Variants in LRIT1 observed in about 807,000 individuals in gnomAD.
LRIT1 encodes leucine rich repeat, Ig-like and transmembrane domains 1.
In LRIT1, 23 loss-of-function variants were observed where a neutral mutation model predicts 24.0. The observed-to-expected ratio is 0.96, with a 90% CI of 0.69 to 1.36. The LOEUF is 1.36. LRIT1 is among the 40% of genes most tolerant of loss of function. LRIT1 has a pLI of 0.00. For synonymous variants in LRIT1, 361 were observed against 340.5 expected (o/e 1.06, Z -0.66); for missense variants, 846 against 806.3 (o/e 1.05, Z -0.60).
At chr10:84,235,541 TTTTA>T (rs1302808095) in intron 2 of LRIT1, among the ~76,000 whole-genome samples, 4 of 152,344 alleles carry the variant, frequency 2.6e-5, no homozygotes. Context: ...ATTTTGGCCA[TTTTA>T]ATTGTTAGTT....
In LRIT1 at chr10:84,232,727, G is replaced by A. The variant is rs1842613598; in HGVS notation, c.1072C>T (p.Pro358Ser). 1 of 1,614,008 alleles carries A rather than the reference G, an allele frequency of 6.2e-7. No homozygotes were observed. Among genetic ancestry groups the A allele is most frequent in the Non-Finnish European group, 8.5e-7 (1 of 1,179,964 alleles). ...CCTGTCCTTGCCCATAGTGCTCCTG[G>A]GCTCCCACTGTGTTCTGTGGAAGTC... Reference protein sequence around the residue: ...PPTSTEHSGSPGALWARTGGG... With the variant: ...PPTSTEHSGSSGALWARTGGG... Residue 358 changes from proline (P) to serine (S), a missense_variant, in exon 4 of 4, where the codon CCA becomes TCA. Pro to Ser is a moderately conservative substitution (Grantham distance 74, BLOSUM62 -1). Transcript: ENST00000372105.
chr10:84,233,444 G>C (rs934017983), intron 3 of LRIT1, among the ~76,000 whole-genome samples: 1 of 152,016 alleles, frequency 6.6e-6, no homozygotes, highest in Admixed American at 6.5e-5. Flanking sequence ...CTAGGATTGG[G>C]TGTGAGCCCC....
At chr10:84,241,278 T>C in intron 1 of LRIT1, 40 bp downstream of exon 1, 1 of 1,613,150 alleles carries the variant, frequency 6.2e-7, no homozygotes, top group Non-Finnish European at 8.5e-7. Flanking sequence ...GGCAAAGCAA[T>C]GGAGGCTGGG....
intron 3 of LRIT1, among the ~76,000 whole-genome samples, chr10:84,233,245 C>A (rs948207141): frequency 6.6e-6 from 1 of 152,134 alleles, no homozygotes; most frequent in African/African-American, 2.4e-5. Context: ...CCATGGCTTA[C>A]TCCAGCCTGG....
At chr10:84,237,741 C>T (rs1842664269) in intron 1 of LRIT1, 55 bp from the exon 2 acceptor site, 1 of 1,358,776 alleles carries the variant, frequency 7.4e-7, no homozygotes, top group South Asian at 1.3e-5. Flanking sequence ...TCTGGGATCT[C>T]CCACCGCTAC....
At chr10:84,235,294 G>A (rs1350228948) in intron 2 of LRIT1, among the ~76,000 whole-genome samples, 1 of 152,006 alleles carries the variant, frequency 6.6e-6, no homozygotes, top group Non-Finnish European at 1.5e-5. Context: ...CACAACCCAC[G>A]GGTGCCAGTT....
chr10:84,233,246 T>A (rs1298501521), intron 3 of LRIT1, among the ~76,000 whole-genome samples: 1 of 152,122 alleles, frequency 6.6e-6, no homozygotes, highest in African/African-American at 2.4e-5. Context: ...CATGGCTTAC[T>A]CCAGCCTGGA....
At position 84,234,374 on chromosome 10, in the gene LRIT1, T is replaced by C. The variant is rs1351391417; in HGVS notation, c.594A>G (p.Leu198=). 2 of 1,540,514 alleles carry C rather than the reference T, an allele frequency of 1.3e-6. No homozygotes were observed. Among genetic ancestry groups the C allele is most frequent in the East Asian group, 2.3e-5 (1 of 43,750 alleles). The part of the protein sequence containing the change: ...PGHHPRRVLG[L]QDNPWACDCR... ...AGTCACATGCCCAGGGGTTGTCCTG[T>C]AGCCCTGCAGGAGTAAAAAAGAAGA... is the stretch of plus-strand genomic sequence containing the variant. The change falls in exon 3 of 4, where the codon CTA becomes CTG. Residue 198 remains leucine, a synonymous_variant. Coordinates refer to ENST00000372105, the MANE Select transcript of LRIT1 (RefSeq NM_015613.3).
chr10:84,239,547 G>A (rs143308814), intron 1 of LRIT1, among the ~76,000 whole-genome samples: 82 of 152,308 alleles, frequency 5.4e-4, no homozygotes, highest in African/African-American at 1.8e-3. Flanking sequence ...GAGAGAAAAC[G>A]GTAAAAGGGG....
chr10:84,232,593 C>T lies in LRIT1; in HGVS notation c.1206G>A (p.Lys402=). 6.2e-7 allele frequency: 1 copy of T among 1,614,038 alleles called. No individual in the cohort carries two copies. Residue 402 remains lysine, a synonymous_variant, in exon 4 of 4, where the codon AAG becomes AAA. Coordinates refer to ENST00000372105, the MANE Select transcript of LRIT1 (RefSeq NM_015613.3). ...LATGPSVPST[K]EELTLEHFQM... ...GGAAGTGCTCAAGGGTCAGCTCCTC[C>T]TTTGTGCTGGGCACAGAGGGTCCAG... is the stretch of plus-strand genomic sequence containing the variant.
Position 84,241,429 on chromosome 10 carries a change from G to C in LRIT1, c.11C>G (p.Ala4Gly), listed in dbSNP as rs1407192398. Residue 4 changes from alanine to glycine, a missense_variant, in exon 1 of 4, where the codon GCA (alanine) becomes GGA (glycine). Coordinates refer to ENST00000372105, the MANE Select transcript of LRIT1 (RefSeq NM_015613.3). ...GGCCAAGAGCCAGAGCATGCCTAATGCCACCCTCATGGCTCCTGGCTCCTC... is the reference window on the plus strand; with the variant it reads ...GGCCAAGAGCCAGAGCATGCCTAATCCCACCCTCATGGCTCCTGGCTCCTC... The part of the protein sequence containing the change: MRV[A>G]LGMLWLLALA... 2 of 1,591,764 alleles carry C rather than the reference G, an allele frequency of 1.3e-6. No homozygotes were observed. The highest frequency in any genetic ancestry group is 2.7e-5 in the African/African-American group (2 of 73,882).
intron 3 of LRIT1, among the ~76,000 whole-genome samples, chr10:84,233,642 G>A (rs1194800986): frequency 6.6e-6 from 1 of 152,330 alleles, no homozygotes; most frequent in African/African-American, 2.4e-5. Flanking sequence ...ATGTCATTAT[G>A]TGCATAATAC....
chr10:84,240,431 T>C (rs1164850069), intron 1 of LRIT1, among the ~76,000 whole-genome samples: 3 of 152,184 alleles, frequency 2.0e-5, no homozygotes, highest in African/African-American at 7.2e-5. Context: ...ATTGCCAAGA[T>C]TATTAAAAGG....
chr10:84,234,387 G>T lies in LRIT1; in HGVS notation c.590-9C>A. 6.6e-7 allele frequency: 1 copy of T among 1,508,134 alleles called. No homozygotes were observed. Among genetic ancestry groups the T allele is most frequent in the Non-Finnish European group, 8.9e-7 (1 of 1,127,400 alleles). The allele number at this position is 1,508,134 out of a possible 1,614,324, so 93.4% of individuals were successfully genotyped here. A position where few individuals can be genotyped will look rare whatever the true frequency, so the allele number is the denominator to read the frequency against. On this transcript the variant is annotated splice_polypyrimidine_tract_variant and intron_variant, in intron 2 of 3. Coordinates refer to ENST00000372105, the MANE Select transcript of LRIT1 (RefSeq NM_015613.3). Reference sequence around the variant, plus strand: ...GGGGTTGTCCTGTAGCCCTGCAGGAGTAAAAAAGAAGACAAGATATTCAGA... The same window carrying T: ...GGGGTTGTCCTGTAGCCCTGCAGGATTAAAAAAGAAGACAAGATATTCAGA...
At position 84,234,304 on chromosome 10, in the gene LRIT1, T is replaced by C. The variant is rs746354463; in HGVS notation, c.664A>G (p.Asn222Asp). Residue 222 changes from asparagine (N) to aspartate (D), a missense_variant, in exon 3 of 4, where the codon AAC becomes GAC. Asn to Asp is a conservative substitution (Grantham distance 23, BLOSUM62 1). Coordinates refer to ENST00000372105, the MANE Select transcript of LRIT1 (RefSeq NM_015613.3). ...AGTTCAGTCTCAATGAAGGCCAAGT[T>C]TGGGGCCCAGCCATCCAAAAGATGA... The part of the protein sequence containing the change: ...LVHLLDGWAP[N>D]LAFIETELRC... 6.2e-6 allele frequency: 10 copies of C among 1,609,248 alleles called. No individual in the cohort carries two copies. In the East Asian group the frequency reaches 2.2e-4, roughly 36 times the overall value.
Position 84,232,266 on chromosome 10 carries a change from AAC to A in LRIT1, c.1531_1532del (p.Val511TyrfsTer6). ...QGLVPRKEQCVIFSTNEVVDA... is the reference protein window; with the variant it reads ...QGLVPRKEQCXIFSTNEVVDA... ...CCACCACTTCATTGGTGGAGAAAAT[AAC>A]ACACTGCTCCTTCCGGGGCACCAGG... On this transcript the variant is annotated frameshift_variant, in exon 4 of 4. Coordinates refer to ENST00000372105, the MANE Select transcript of LRIT1 (RefSeq NM_015613.3). LOFTEE classifies it high-confidence loss of function. 6.2e-7 allele frequency: 1 copy of A among 1,614,140 alleles called. No homozygotes were observed. Among genetic ancestry groups the A allele is most frequent in the Non-Finnish European group, 8.5e-7 (1 of 1,180,018 alleles).
chr10:84,232,894 T>C lies in LRIT1; in HGVS notation c.905A>G (p.Glu302Gly), dbSNP rs1326535474. The C allele has an allele frequency of 6.2e-7, 1 of 1,610,532 alleles. No homozygotes were observed. Residue 302 changes from glutamate to glycine, a missense_variant, in exon 4 of 4, where the codon GAA becomes GGA. By Grantham distance (98) the Glu-to-Gly change is moderately conservative. Transcript: ENST00000372105. The part of the protein sequence containing the change: ...GRPLNGTVHQ[E>G]VSSDGTSWTL... Reference sequence around the variant, plus strand: ...CCAGCTCGTGCCGTCACTGGAGACTTCCTGGTGCACTAGGAGGAAAACAGG... The same window carrying C: ...CCAGCTCGTGCCGTCACTGGAGACTCCCTGGTGCACTAGGAGGAAAACAGG...
rs773735675 is a variant in LRIT1 at position 84,232,074 on chromosome 10, C to G, written c.1725G>C (p.Glu575Asp). 2.5e-6 allele frequency: 4 copies of G among 1,614,082 alleles called. No individual in the cohort carries two copies. The East Asian group carries it at 8.9e-5, about 36-fold the overall frequency. The change falls in exon 4 of 4, where the codon GAG (glutamate) becomes GAC (aspartate). Residue 575 changes from glutamate (E) to aspartate (D), a missense_variant. Physicochemically the swap from Glu to Asp is conservative, Grantham distance 45 (BLOSUM62 2). Transcript: ENST00000372105. ...TEATVTYVNL[E>D]RLGYSEDGLE... ...AGCCGTCCTCGCTGTAGCCCAGTCT[C>G]TCTAGGTTGACGTAGGTAACTGTGG... is the stretch of plus-strand genomic sequence containing the variant.
Position 84,237,622 on chromosome 10 carries a change from T to G in LRIT1, c.187A>C (p.Arg63=), listed in dbSNP as rs1564544788. 1 of 1,606,758 alleles carries G rather than the reference T, an allele frequency of 6.2e-7. No individual in the cohort carries two copies. Among genetic ancestry groups the G allele is most frequent in the Non-Finnish European group, 8.5e-7 (1 of 1,179,452 alleles). The change falls in exon 2 of 4, where the codon AGA becomes CGA. Residue 63 remains arginine, a synonymous_variant. Transcript: ENST00000372105. ...PPASIPPDTS[R]LRLERTAIRR... is the part of the protein sequence containing the mutation. ...ATGGCCGTCCGCTCCAGGCGCAGTC[T>G]GGAGGTGTCCGGGGGGATGGACGCC... is the stretch of plus-strand genomic sequence containing the variant.
Sources: allele counts gnomAD v4.1 joint callset (sites outside exome capture counted in the v4.1 genomes callset), GRCh38; gene constraint gnomAD v4.1.1; transcripts MANE v1.5; gene names NCBI Gene and HGNC (gene_info 2026-07-23, HGNC 2026-07-21).